SEL1L2: variants seen among roughly 807,000 people sequenced by gnomAD.
SEL1L2 encodes the protein SEL1L2 adaptor subunit of SYVN1 ubiquitin ligase.
In SEL1L2, 89 loss-of-function variants were observed where a neutral mutation model predicts 98.8. The ratio of observed to expected loss-of-function variants is 0.90; its 90% CI spans 0.76 to 1.07. The LOEUF (loss-of-function observed/expected upper bound fraction) is 1.07. Among genes scored for constraint, SEL1L2 ranks in the 50% least tolerant of loss-of-function variants. The pLI, the probability that SEL1L2 is intolerant of heterozygous loss-of-function variation, is 0.00. For missense variants in SEL1L2, 788 were observed against 812.0 expected (o/e 0.97, Z 0.36); for synonymous variants, 262 against 278.5 (o/e 0.94, Z 0.59).
At chr20:13,901,909 C>T (rs1169436058) in intron 5 of SEL1L2, among the ~76,000 whole-genome samples, 4 of 152,238 alleles carry the variant, frequency 2.6e-5, no homozygotes, top group African/African-American at 4.8e-5. Flanking sequence ...GCAATCCACC[C>T]GCCTCAGCCT....
intron 18 of SEL1L2, among the ~76,000 whole-genome samples, chr20:13,857,548 A>G (rs1432432627): frequency 2.0e-5 from 3 of 152,212 alleles, no homozygotes; most frequent in Admixed American, 6.5e-5. Context: ...GCCTGTCCCC[A>G]GGGACTCAGG....
intron 10 of SEL1L2, 106 bp downstream of exon 10, chr20:13,885,240 TC>T (rs1331379308): frequency 1.4e-4 from 103 of 757,852 alleles, no homozygotes; most frequent in African/African-American, 9.0e-4. Context: ...CAGTGGGCTT[TC>T]TGAGCAACTC....
intron 5 of SEL1L2, among the ~76,000 whole-genome samples, chr20:13,895,073 T>A (rs2047364277): frequency 6.6e-6 from 1 of 152,116 alleles, no homozygotes; most frequent in Non-Finnish European, 1.5e-5. Context: ...GCAAACTGAA[T>A]TCATGGCACA....
At chr20:13,984,168 C>T (rs946149496) in intron 1 of SEL1L2, among the ~76,000 whole-genome samples, 8 of 152,116 alleles carry the variant, frequency 5.3e-5, no homozygotes, top group East Asian at 1.9e-4. Context: ...CATGCCACCA[C>T]GCCTGGCTAA....
intron 3 of SEL1L2, 65 bp from the exon 4 acceptor site, chr20:13,919,188 G>A (rs1397177985): frequency 2.7e-5 from 27 of 992,794 alleles, no homozygotes; most frequent in Non-Finnish European, 4.1e-5. Context: ...TAAAAATAAT[G>A]TGCTAAAGTA....
chr20:13,886,464 A>C, intron 8 of SEL1L2, 22 bp from the exon 9 acceptor site: 1 of 1,607,292 alleles, frequency 6.2e-7, no homozygotes, highest in East Asian at 2.2e-5. Flanking sequence ...AACAAGCCAG[A>C]GAATAGCTAG....
intron 2 of SEL1L2, among the ~76,000 whole-genome samples, chr20:13,954,329 T>C (rs1050203552): frequency 1.3e-5 from 2 of 152,156 alleles, no homozygotes; most frequent in African/African-American, 4.8e-5. Context: ...TGTAACACTA[T>C]GGTAAGTTCA....
intron 5 of SEL1L2, among the ~76,000 whole-genome samples, chr20:13,904,398 T>A (rs1407582075): frequency 6.6e-6 from 1 of 152,018 alleles, no homozygotes; most frequent in East Asian, 1.9e-4. Context: ...TGTGGTGGTG[T>A]GAGCCTATAA....
chr20:13,879,962 G>T (rs924190313), intron 10 of SEL1L2, among the ~76,000 whole-genome samples: 3 of 152,074 alleles, frequency 2.0e-5, no homozygotes, highest in African/African-American at 7.2e-5. Context: ...GTGATCTCAC[G>T]GCACCTCATC....
At chr20:13,926,783 G>T (rs2048926243) in intron 3 of SEL1L2, among the ~76,000 whole-genome samples, 1 of 152,142 alleles carries the variant, frequency 6.6e-6, no homozygotes, top group East Asian at 1.9e-4. Flanking sequence ...TAGCCTAGCT[G>T]GTCACAGGCC....
chr20:13,979,197 G>A (rs2051691579), intron 1 of SEL1L2, among the ~76,000 whole-genome samples: 1 of 152,218 alleles, frequency 6.6e-6, no homozygotes, highest in African/African-American at 2.4e-5. Flanking sequence ...TGTGGAAGCT[G>A]AAAGAATTGA....
intron 5 of SEL1L2, among the ~76,000 whole-genome samples, chr20:13,889,240 C>A (rs2047100518): frequency 6.6e-6 from 1 of 151,822 alleles, no homozygotes; most frequent in Non-Finnish European, 1.5e-5. Context: ...CCTGCCTCGG[C>A]CTCCCAAAGT....
At chr20:13,973,403 T>C (rs946739771) in intron 1 of SEL1L2, 1 of 152,250 alleles carries the variant, frequency 6.6e-6, no homozygotes, top group African/African-American at 2.4e-5. Context: ...CTGTAGAATA[T>C]GTAAGCACTG....
Position 13,849,315 on chromosome 20 carries a change from A to G in SEL1L2, c.*170T>C. On this transcript the variant is annotated 3_prime_UTR_variant, in exon 20 of 20. Coordinates refer to ENST00000284951, the MANE Select transcript of SEL1L2 (RefSeq NM_025229.2). ...CAAAGGGTTTTCTCTACTAAGCAGGAAGTCTGAAGTTGTTTCTCTAGGATG... is the reference window on the plus strand; with the variant it reads ...CAAAGGGTTTTCTCTACTAAGCAGGGAGTCTGAAGTTGTTTCTCTAGGATG... 1 of 754,850 alleles carries G rather than the reference A, an allele frequency of 1.3e-6. No homozygotes were observed. Among genetic ancestry groups the G allele is most frequent in the Non-Finnish European group, 2.1e-6 (1 of 470,702 alleles). 46.8% of individuals were successfully genotyped at this position (754,850 alleles called of 1,614,324 possible). A position where few individuals can be genotyped will look rare whatever the true frequency, so the allele number is the denominator to read the frequency against.
At position 13,880,837 on chromosome 20, in the gene SEL1L2, G is replaced by A. The variant is rs145717196; in HGVS notation, c.958-3249C>T. On this transcript the variant is annotated intron_variant, in intron 10 of 19. Transcript: ENST00000284951. ...GGTGTCTTAGTATGAAATATAGTAC[G>A]CCCCAGGTATTACACTAAGTAAGTA... Among the ~76,000 whole-genome samples, 176 of 151,908 alleles carry A rather than the reference G, an allele frequency of 1.2e-3. 1 individual carries two copies. The highest frequency in any genetic ancestry group is 3.6e-3 in the African/African-American group (147 of 41,390).
At chr20:13,948,772 G>A (rs2050129709) in intron 2 of SEL1L2, among the ~76,000 whole-genome samples, 1 of 152,206 alleles carries the variant, frequency 6.6e-6, no homozygotes, top group Non-Finnish European at 1.5e-5. Context: ...GAAAGCCACT[G>A]CACAGAAAAC....
chr20:13,993,641 C>G (rs2148599605), upstream of SEL1L2, among the ~76,000 whole-genome samples: 1 of 152,136 alleles, frequency 6.6e-6, no homozygotes, highest in East Asian at 1.9e-4. Flanking sequence ...GGCTGGAGTG[C>G]AAACAGCTTC....
intron 1 of SEL1L2, among the ~76,000 whole-genome samples, chr20:13,989,897 C>A (rs528760434): frequency 3.9e-5 from 6 of 151,936 alleles, no homozygotes; most frequent in African/African-American, 1.2e-4. Flanking sequence ...AAGCAGGGAC[C>A]AAATACATAT....
chr20:13,939,046 T>G (rs1162849208), intron 2 of SEL1L2, among the ~76,000 whole-genome samples: 3 of 135,294 alleles, frequency 2.2e-5, no homozygotes, highest in African/African-American at 8.4e-5. Context: ...TTTTGTTTTT[T>G]TTTTTTTTTT....
Sources: allele counts gnomAD v4.1 joint callset (sites outside exome capture counted in the v4.1 genomes callset), GRCh38; gene constraint gnomAD v4.1.1; transcripts MANE v1.5; gene names NCBI Gene and HGNC (gene_info 2026-07-23, HGNC 2026-07-21).